Variants in EIF4ENIF1 observed in about 807,000 individuals in gnomAD.
EIF4ENIF1 encodes the protein eukaryotic translation initiation factor 4E transporter.
In EIF4ENIF1, 23 loss-of-function variants were observed where a neutral mutation model predicts 110.5. That is an observed-to-expected ratio of 0.21 (90% confidence interval 0.15 to 0.29). The LOEUF is 0.29. Among genes scored for constraint, EIF4ENIF1 ranks in the 10% least tolerant of loss-of-function variants. The pLI, the probability that EIF4ENIF1 is intolerant of heterozygous loss-of-function variation, is 1.00. For missense variants in EIF4ENIF1, 1,031 were observed against 1,221.1 expected (o/e 0.84, Z 2.32); for synonymous variants, 440 against 437.0 (o/e 1.01, Z -0.09).
At chr22:31,484,239 C>T (rs950003145) in intron 2 of EIF4ENIF1, among the ~76,000 whole-genome samples, 1 of 152,138 alleles carries the variant, frequency 6.6e-6, no homozygotes, top group African/African-American at 2.4e-5. Context: ...GGTGATCCCC[C>T]AGGCATATTA....
intron 3 of EIF4ENIF1, among the ~76,000 whole-genome samples, chr22:31,469,911 C>G (rs1038514766): frequency 6.6e-6 from 1 of 151,998 alleles, no homozygotes; most frequent in Non-Finnish European, 1.5e-5. Flanking sequence ...GCCTGCTAAT[C>G]CCAGCACTTT....
intron 4 of EIF4ENIF1, among the ~76,000 whole-genome samples, chr22:31,467,255 C>CA (rs370062788): frequency 6.6e-6 from 1 of 152,234 alleles, no homozygotes; most frequent in African/African-American, 2.4e-5. Context: ...AGTGTACTGA[C>CA]AGACTGTGTA....
intron 2 of EIF4ENIF1, among the ~76,000 whole-genome samples, chr22:31,483,503 AGC>A (rs1229278180): frequency 2.0e-5 from 3 of 152,010 alleles, no homozygotes; most frequent in Non-Finnish European, 2.9e-5. Flanking sequence ...ACACCCAGCG[AGC>A]AGGTGATCAT....
intron 2 of EIF4ENIF1, among the ~76,000 whole-genome samples, chr22:31,481,550 CATTT>C (rs1157771563): frequency 1.3e-5 from 2 of 152,170 alleles, no homozygotes; most frequent in East Asian, 3.8e-4. Flanking sequence ...ATAAAAGATA[CATTT>C]AGTTATCAAA....
At chr22:31,479,688 T>A (rs78079758) in intron 2 of EIF4ENIF1, among the ~76,000 whole-genome samples, 1 of 8,272 alleles carries the variant, frequency 1.2e-4, no homozygotes, top group South Asian at 2.0e-3. Flanking sequence ...TGGAAAGGTG[T>A]TTTTTTTTTT....
chr22:31,491,806 G>A (rs754161715), upstream of EIF4ENIF1, among the ~76,000 whole-genome samples: 1 of 152,114 alleles, frequency 6.6e-6, no homozygotes, highest in Admixed American at 6.6e-5. Flanking sequence ...GCCTCCAAAA[G>A]CACTGGGATT....
chr22:31,440,927 G>C (rs906995470), intron 17 of EIF4ENIF1, 59 bp from the exon 18 acceptor site: 28 of 1,594,766 alleles, frequency 1.8e-5, no homozygotes, highest in Non-Finnish European at 2.3e-5. Context: ...AAGTTTTCCA[G>C]CTTCACTGTA....
At position 31,463,012 on chromosome 22, in the gene EIF4ENIF1, G is replaced by C; in HGVS notation, c.707C>G (p.Thr236Ser). The C allele has an allele frequency of 1.2e-6, 2 of 1,614,140 alleles. No homozygotes were observed. The highest frequency in any genetic ancestry group is 1.3e-5 in the African/African-American group (1 of 75,028). Residue 236 changes from threonine to serine, a missense_variant, in exon 6 of 19, where the codon ACT (threonine) becomes AGT (serine). By Grantham distance (58) the Thr-to-Ser change is moderately conservative. Coordinates refer to ENST00000330125, the MANE Select transcript of EIF4ENIF1 (RefSeq NM_019843.4). ...PTSQSETIEL[T>S]GFDDKILEED... ...TTCTAGTATCTTATCATCAAAGCCA[G>C]TCAGTTCGATGGTTTCAGACTGACT...
intron 2 of EIF4ENIF1, chr22:31,479,301 T>G (rs2051719173): frequency 6.6e-6 from 1 of 152,084 alleles, no homozygotes; most frequent in Non-Finnish European, 1.5e-5. Flanking sequence ...GCTCAGGTAA[T>G]CCGTTTGCCT....
upstream of EIF4ENIF1, among the ~76,000 whole-genome samples, chr22:31,491,096 A>G (rs1012388754): frequency 3.9e-5 from 6 of 152,142 alleles, no homozygotes; most frequent in African/African-American, 1.2e-4. Context: ...CATCTCTGCC[A>G]CCTCCTACAA....
chr22:31,442,160 CA>C, intron 16 of EIF4ENIF1, 42 bp from the exon 17 acceptor site: 1 of 1,479,148 alleles, frequency 6.8e-7, no homozygotes, highest in Non-Finnish European at 9.3e-7. Context: ...AAACCTCTCC[CA>C]AACACTTGTG....
intron 9 of EIF4ENIF1, 58 bp downstream of exon 9, chr22:31,455,078 G>A: frequency 6.8e-7 from 1 of 1,461,098 alleles, no homozygotes; most frequent in Admixed American, 2.3e-5. Flanking sequence ...CCAACTGCCT[G>A]AAGACTGAAC....
intron 3 of EIF4ENIF1, among the ~76,000 whole-genome samples, chr22:31,470,197 C>T (rs899772576): frequency 1.3e-3 from 1 of 794 alleles, no homozygotes; most frequent in African/African-American, 5.7e-3. Context: ...AAAATCCTAA[C>T]TAATTGGCTA....
intron 6 of EIF4ENIF1, among the ~76,000 whole-genome samples, chr22:31,459,252 AT>A (rs78739741): frequency 0.04 from 5,987 of 150,258 alleles, 280 homozygotes; most frequent in African/African-American, 0.096. Context: ...TTTTCTAGTG[AT>A]TTTTTTTTTA....
intron 10 of EIF4ENIF1, 116 bp downstream of exon 10, chr22:31,454,028 A>T (rs978342563): frequency 1.5e-5 from 13 of 854,330 alleles, no homozygotes; most frequent in Non-Finnish European, 2.0e-5. Context: ...GGACCAAATG[A>T]CTACTAAAGA....
chr22:31,452,061 T>C (rs954900828), intron 10 of EIF4ENIF1, among the ~76,000 whole-genome samples: 4 of 152,222 alleles, frequency 2.6e-5, no homozygotes, highest in African/African-American at 4.8e-5. Flanking sequence ...TAAAAACAAA[T>C]AGACAACTTT....
chr22:31,461,859 C>T (rs1326278882), intron 6 of EIF4ENIF1: 1 of 152,208 alleles, frequency 6.6e-6, no homozygotes, highest in Non-Finnish European at 1.5e-5. Context: ...CTACTTATTT[C>T]CATGGTGACT....
rs1435744591 is a variant in EIF4ENIF1, at chr22:31,455,979, T to A, written c.972A>T (p.Glu324Asp). Residue 324 changes from glutamate to aspartate, a missense_variant, in exon 8 of 19, where the codon GAA becomes GAT. Around this residue, in one of 3 missense-constraint regions of EIF4ENIF1, gnomAD observed 704 missense variants for 879.7 expected, o/e 0.80. Coordinates refer to ENST00000330125, the MANE Select transcript of EIF4ENIF1 (RefSeq NM_019843.4). ...DKVPCLASMI[E>D]DVLGEGSVSA... is the part of the protein sequence containing the mutation. ...AGACTGACCCTTCTCCCAAAACATC[T>A]TCTATCATCTGAAGAAAAAGACAAT... 1.2e-6 allele frequency: 2 copies of A among 1,613,752 alleles called. No homozygotes were observed. The highest frequency in any genetic ancestry group is 1.7e-6 in the Non-Finnish European group (2 of 1,179,912).
intron 6 of EIF4ENIF1, among the ~76,000 whole-genome samples, chr22:31,462,487 A>AG (rs2051029647): frequency 1.3e-5 from 2 of 151,672 alleles, no homozygotes; most frequent in East Asian, 3.9e-4. Flanking sequence ...TCCGTCTCAA[A>AG]AAAAAAAAAA....
Sources: gnomAD v4.1 joint callset for allele counts (sites outside exome capture counted in the v4.1 genomes callset) on GRCh38, gnomAD v4.1.1 for gene constraint, gnomAD v4.1.1 regional missense constraint, MANE v1.5 for transcripts, NCBI Gene and HGNC (gene_info 2026-07-23, HGNC 2026-07-21) for gene names.